FAM167A: variants seen among roughly 807,000 people sequenced by gnomAD.
FAM167A encodes the protein family with sequence similarity 167 member A.
FAM167A carries 23 observed loss-of-function variants against 14.9 expected under a neutral mutation model. The observed-to-expected ratio is 1.55, with a 90% CI of 1.11 to 2.19. The LOEUF (loss-of-function observed/expected upper bound fraction) is 2.19. Among genes scored for constraint, FAM167A ranks in the 30% most tolerant of loss-of-function variants. The pLI, the probability that FAM167A is intolerant of heterozygous loss-of-function variation, is 0.00. For missense variants in FAM167A, 401 were observed against 281.5 expected (o/e 1.42, Z -3.04); for synonymous variants, 174 against 117.7 (o/e 1.48, Z -3.10).
chr8:11,458,839 C>T (rs1807430847), intron 1 of FAM167A, among the ~76,000 whole-genome samples: 1 of 152,080 alleles, frequency 6.6e-6, no homozygotes, highest in Admixed American at 6.5e-5. Context: ...TCTTCTGAGC[C>T]CTTAGGCCCA....
chr8:11,457,710 T>G (rs1156877635), intron 1 of FAM167A, among the ~76,000 whole-genome samples: 1 of 152,188 alleles, frequency 6.6e-6, no homozygotes, highest in Non-Finnish European at 1.5e-5. Context: ...CCCTTTGTCC[T>G]TGTCTTTGGC....
At chr8:11,442,457 A>T (rs1400288146) in intron 2 of FAM167A, among the ~76,000 whole-genome samples, 1 of 152,204 alleles carries the variant, frequency 6.6e-6, no homozygotes, top group Non-Finnish European at 1.5e-5. Flanking sequence ...AGGAAACTCC[A>T]TCCTAGTGGG....
At chr8:11,440,808 C>G (rs563544064) in intron 2 of FAM167A, among the ~76,000 whole-genome samples, 3 of 152,302 alleles carry the variant, frequency 2.0e-5, no homozygotes, top group Non-Finnish European at 4.4e-5. Context: ...ACCTTCTGGG[C>G]TTAAAATATG....
intron 1 of FAM167A, among the ~76,000 whole-genome samples, chr8:11,455,510 G>C (rs1446167230): frequency 8.9e-5 from 13 of 146,314 alleles, no homozygotes; most frequent in Non-Finnish European, 1.8e-4. Flanking sequence ...GTGAGTGTGA[G>C]TGTGTGGGGT....
chr8:11,455,932 G>T (rs1807252666), intron 1 of FAM167A, among the ~76,000 whole-genome samples: 1 of 146,914 alleles, frequency 6.8e-6, no homozygotes, highest in African/African-American at 2.5e-5. Flanking sequence ...GCCCTGCTGG[G>T]TGTGCGTGAA....
At chr8:11,474,529 A>G (rs1797809567) in intron 1 of FAM167A, 3 of 152,190 alleles carry the variant, frequency 2.0e-5, no homozygotes, top group South Asian at 4.1e-4. Context: ...TAGGATTGAG[A>G]CTTGGTTTCT....
At chr8:11,426,969 T>G (rs1735864170) in intron 2 of FAM167A, among the ~76,000 whole-genome samples, 4 of 152,190 alleles carry the variant, frequency 2.6e-5, no homozygotes, top group Non-Finnish European at 1.5e-5. Flanking sequence ...CAGATGTCAA[T>G]TTACATTGCC....
chr8:11,454,879 G>A (rs1807166950), intron 1 of FAM167A, among the ~76,000 whole-genome samples: 1 of 152,140 alleles, frequency 6.6e-6, no homozygotes, highest in South Asian at 2.1e-4. Context: ...CACAGCCCTG[G>A]GCCCCACAGA....
At chr8:11,468,660 G>C (rs1237264887), upstream of FAM167A, among the ~76,000 whole-genome samples, 1 of 152,214 alleles carries the variant, frequency 6.6e-6, no homozygotes, top group African/African-American at 2.4e-5. Flanking sequence ...CCATGGCCCT[G>C]GCACGTGGTG....
chr8:11,433,153 A>T (rs1301076576), intron 2 of FAM167A, among the ~76,000 whole-genome samples: 1 of 152,132 alleles, frequency 6.6e-6, no homozygotes, highest in African/African-American at 2.4e-5. Flanking sequence ...GTGTATACCT[A>T]TGTAACAAAT....
intron 2 of FAM167A, among the ~76,000 whole-genome samples, chr8:11,442,306 A>G (rs1457463494): frequency 6.6e-6 from 1 of 152,056 alleles, no homozygotes; most frequent in Non-Finnish European, 1.5e-5. Flanking sequence ...TTTAAAAACC[A>G]CACGTGTGGT....
rs145070244 is a variant in FAM167A at position 11,429,244 on chromosome 8, G to C, written c.382-4608C>G. Among the ~76,000 whole-genome samples, 646 of 152,300 alleles carry C rather than the reference G, an allele frequency of 4.2e-3. 5 individuals carry two copies. Among genetic ancestry groups the C allele is most frequent in the African/African-American group, 0.015 (618 of 41,540 alleles). ...CTTTGTGAGTGGCTAATTTCACTTA[G>C]CATAATGTCCTCTGGTTTCTGATGG... On this transcript the variant is annotated intron_variant, in intron 2 of 2. Coordinates refer to ENST00000284486, the MANE Select transcript of FAM167A (RefSeq NM_053279.3).
chr8:11,451,196 C>G (rs1242430797), intron 1 of FAM167A, among the ~76,000 whole-genome samples: 5 of 152,238 alleles, frequency 3.3e-5, no homozygotes, highest in African/African-American at 1.2e-4. Context: ...CTGGCCGGGG[C>G]CGCTGGGGCC....
At position 11,463,246 on chromosome 8, in the gene FAM167A, G is replaced by A. The variant is rs1015933537; in HGVS notation, c.-398+3380C>T. 3.3e-5 allele frequency among the ~76,000 whole-genome samples: 5 copies of A among 152,354 alleles called. No homozygotes were observed. In the East Asian group the frequency reaches 9.6e-4, roughly 29 times the overall value. Reference sequence around the variant, plus strand: ...GCAGCAGCCACACAACCAAATTTGGGAAGTGCCTTTGTGACTGGAGGGACT... The same window carrying A: ...GCAGCAGCCACACAACCAAATTTGGAAAGTGCCTTTGTGACTGGAGGGACT... On this transcript the variant is annotated intron_variant, in intron 1 of 2. Transcript: ENST00000284486.
chr8:11,436,274 G>C (rs964782228), intron 2 of FAM167A, among the ~76,000 whole-genome samples: 2 of 152,200 alleles, frequency 1.3e-5, no homozygotes, highest in Non-Finnish European at 2.9e-5. Context: ...CACATGAGGA[G>C]GGCCAGGCCC....
At chr8:11,461,499 A>G (rs1807536808) in intron 1 of FAM167A, among the ~76,000 whole-genome samples, 1 of 152,202 alleles carries the variant, frequency 6.6e-6, no homozygotes, top group South Asian at 2.1e-4. Context: ...CTTTAAAGCA[A>G]TCTGCAGAGA....
chr8:11,448,287 T>C (rs570388776), intron 1 of FAM167A, among the ~76,000 whole-genome samples: 2 of 152,044 alleles, frequency 1.3e-5, no homozygotes, highest in South Asian at 4.2e-4. Context: ...CCCACAGCCA[T>C]GAGGCTAGTT....
intron 1 of FAM167A, among the ~76,000 whole-genome samples, chr8:11,453,629 G>A (rs951495502): frequency 3.3e-5 from 5 of 152,136 alleles, no homozygotes; most frequent in Admixed American, 2.6e-4. Context: ...GGCTGAGCTG[G>A]GGACCAGGAC....
intron 1 of FAM167A, among the ~76,000 whole-genome samples, chr8:11,459,344 G>A (rs772477516): frequency 1.3e-5 from 2 of 152,220 alleles, no homozygotes; most frequent in African/African-American, 2.4e-5. Flanking sequence ...CCATCTTTCA[G>A]GTGGCTCCAT....
Sources: allele counts gnomAD v4.1 joint callset (sites outside exome capture counted in the v4.1 genomes callset), GRCh38; gene constraint gnomAD v4.1.1; transcripts MANE v1.5; gene names NCBI Gene and HGNC (gene_info 2026-07-23, HGNC 2026-07-21).